CDK19: variants seen among roughly 807,000 people sequenced by gnomAD.
CDK19 encodes the protein cyclin-dependent kinase 19.
CDK19 carries 20 observed loss-of-function variants against 68.3 expected under a neutral mutation model. That is an observed-to-expected ratio of 0.29 (90% CI 0.21 to 0.43). The LOEUF is 0.43. Among genes scored for constraint, CDK19 ranks in the 20% least tolerant of loss-of-function variants. The pLI is 1.00. For missense variants in CDK19, 339 were observed against 623.5 expected, an observed-to-expected ratio of 0.54 and a Z score of 4.86; for synonymous variants, 221 against 222.8, an observed-to-expected ratio of 0.99 and a Z score of 0.07.
At chr6:110,652,493 T>C (rs1205387749) in intron 4 of CDK19, among the ~76,000 whole-genome samples, 1 of 152,258 alleles carries the variant, frequency 6.6e-6, no homozygotes, top group East Asian at 1.9e-4. Context: ...TCAAATAAGC[T>C]ATCTTATTTT....
intron 10 of CDK19, 25 bp from the exon 11 acceptor site, chr6:110,622,191 C>T (rs140819887): frequency 9.6e-6 from 14 of 1,460,338 alleles, no homozygotes; most frequent in Non-Finnish European, 1.3e-5. Context: ...AAAGAAAAAA[C>T]ATATCATGAT....
intron 6 of CDK19, 141 bp from the exon 7 acceptor site, chr6:110,627,286 C>T: frequency 3.3e-6 from 2 of 608,270 alleles, no homozygotes; most frequent in Non-Finnish European, 5.3e-6. Context: ...CATTATTGTA[C>T]TTTGTATTTT....
At chr6:110,649,476 C>A (rs1207712176) in intron 4 of CDK19, among the ~76,000 whole-genome samples, 1 of 151,768 alleles carries the variant, frequency 6.6e-6, no homozygotes, top group South Asian at 2.1e-4. Flanking sequence ...AAACAAGATA[C>A]AAAAAAATCC....
intron 7 of CDK19, 53 bp downstream of exon 7, chr6:110,626,949 A>C (rs1251015834): frequency 2.6e-6 from 4 of 1,512,920 alleles, no homozygotes; most frequent in Non-Finnish European, 3.6e-6. Context: ...TTTGAGAAGA[A>C]ATGATTTTGA....
At chr6:110,616,465 C>T (rs879439213) in intron 12 of CDK19, among the ~76,000 whole-genome samples, 3 of 152,042 alleles carry the variant, frequency 2.0e-5, no homozygotes, top group Admixed American at 2.0e-4. Context: ...GTCAGGAGTT[C>T]AAGACCAGTC....
rs114862976 is a variant in CDK19 at position 110,772,449 on chromosome 6, C to T, written c.129-26248G>A. 4.4e-3 allele frequency among the ~76,000 whole-genome samples: 674 copies of T among 152,000 alleles called. 6 individuals carry two copies. The highest frequency in any genetic ancestry group is 0.015 in the African/African-American group (628 of 41,460). On this transcript the variant is annotated intron_variant, in intron 1 of 12. Transcript: ENST00000368911. The stretch of plus-strand genomic sequence containing the variant: ...GGAATTATGGGAGTACAATTCAAGA[C>T]GAGGAGATATGGGTGGGGACACAGA...
intron 4 of CDK19, among the ~76,000 whole-genome samples, chr6:110,642,979 C>G (rs1327790680): frequency 6.6e-6 from 1 of 152,202 alleles, no homozygotes; most frequent in Non-Finnish European, 1.5e-5. Flanking sequence ...AATAAGGTAT[C>G]CTTATGGCTG....
At chr6:110,788,455 GCCTAT>G (rs1562289646) in intron 1 of CDK19, among the ~76,000 whole-genome samples, 1 of 151,990 alleles carries the variant, frequency 6.6e-6, no homozygotes, top group African/African-American at 2.4e-5. Context: ...ACCACATCCA[GCCTAT>G]CCTGACAATT....
At position 110,627,083 on chromosome 6, in the gene CDK19, G is replaced by A; in HGVS notation, c.709C>T (p.Arg237Cys). 6.2e-7 allele frequency: 1 copy of A among 1,611,992 alleles called. No homozygotes were observed. Among genetic ancestry groups the A allele is most frequent in the Non-Finnish European group, 8.5e-7 (1 of 1,178,448 alleles). The change falls in exon 7 of 13, where the codon CGT (arginine) becomes TGT (cysteine). Residue 237 changes from arginine to cysteine, a missense_variant. Transcript: ENST00000368911. ...LLTSEPIFHC[R>C]QEDIKTSNPF... ...TTGCTTGTTTTTATATCTTCCTGAC[G>A]ACAGTGAAAAATAGGTTCCGAAGTC...
At chr6:110,794,288 C>T (rs1036656526) in intron 1 of CDK19, among the ~76,000 whole-genome samples, 2 of 152,028 alleles carry the variant, frequency 1.3e-5, no homozygotes, top group African/African-American at 4.8e-5. Flanking sequence ...CTCAGGTGAT[C>T]CGCCCACCTC....
chr6:110,793,784 A>T (rs1387735496), intron 1 of CDK19, among the ~76,000 whole-genome samples: 1 of 152,112 alleles, frequency 6.6e-6, no homozygotes, highest in East Asian at 1.9e-4. Flanking sequence ...TCCTGACTAG[A>T]ATGTGAAAGA....
Position 110,614,481 on chromosome 6 carries a change from A to G in CDK19, c.*54T>C. On this transcript the variant is annotated 3_prime_UTR_variant, in exon 13 of 13. Coordinates refer to ENST00000368911, the MANE Select transcript of CDK19 (RefSeq NM_015076.5). ...TTTTTTGGTTCTTTTCAATGCAGAC[A>G]TATTGCTGGAGCCTGTGCTCTGGGC... The G allele has an allele frequency of 1.3e-6, 2 of 1,574,192 alleles. No individual in the cohort carries two copies. The highest frequency in any genetic ancestry group is 2.3e-5 in the South Asian group (2 of 88,362).
intron 4 of CDK19, among the ~76,000 whole-genome samples, chr6:110,652,764 G>C (rs1017148017): frequency 3.9e-5 from 6 of 152,230 alleles, no homozygotes; most frequent in African/African-American, 1.4e-4. Flanking sequence ...CACAGAGAGA[G>C]AAAGGAGGAA....
intron 4 of CDK19, among the ~76,000 whole-genome samples, chr6:110,662,217 G>A (rs553775018): frequency 3.3e-5 from 5 of 152,152 alleles, no homozygotes; most frequent in East Asian, 1.9e-4. Context: ...TGATCCACCC[G>A]CCTTGGCCTC....
At chr6:110,763,414 G>GTTTTT (rs1171650120) in intron 1 of CDK19, among the ~76,000 whole-genome samples, 1 of 120,010 alleles carries the variant, frequency 8.3e-6, no homozygotes. Flanking sequence ...CTCTTATTAT[G>GTTTTT]TTTTTTTTTT....
At chr6:110,716,482 T>C (rs1304641499) in intron 2 of CDK19, among the ~76,000 whole-genome samples, 2 of 152,142 alleles carry the variant, frequency 1.3e-5, no homozygotes, top group Admixed American at 1.3e-4. Flanking sequence ...TGATCCCAGG[T>C]GATGCTGGTG....
At chr6:110,706,243 G>A (rs1774462731) in intron 2 of CDK19, 3 of 151,194 alleles carry the variant, frequency 2.0e-5, no homozygotes, top group Non-Finnish European at 4.4e-5. Flanking sequence ...AGGAGAGAAG[G>A]GGTTTCACCA....
At chr6:110,672,001 C>G (rs1771049890) in intron 2 of CDK19, among the ~76,000 whole-genome samples, 1 of 152,182 alleles carries the variant, frequency 6.6e-6, no homozygotes, top group Non-Finnish European at 1.5e-5. Flanking sequence ...TGGTCTCAAA[C>G]TGCTGACCTC....
At chr6:110,792,052 C>T (rs1272213529) in intron 1 of CDK19, among the ~76,000 whole-genome samples, 1 of 150,846 alleles carries the variant, frequency 6.6e-6, no homozygotes, top group Non-Finnish European at 1.5e-5. Context: ...CTCACTGCAA[C>T]CTCTGCCTCC....
Sources: allele counts gnomAD v4.1 joint callset (sites outside exome capture counted in the v4.1 genomes callset), GRCh38; gene constraint gnomAD v4.1.1; transcripts MANE v1.5; gene names NCBI Gene and HGNC (gene_info 2026-07-23, HGNC 2026-07-21).